Variants in HAUS6 observed in about 807,000 individuals in gnomAD.
The protein encoded by HAUS6 is HAUS augmin-like complex subunit 6.
HAUS6 carries 80 observed loss-of-function variants against 106.8 expected under a neutral mutation model. The ratio of observed to expected loss-of-function variants is 0.75; its 90% CI spans 0.63 to 0.90. The LOEUF (loss-of-function observed/expected upper bound fraction) is 0.90. HAUS6 is among the 40% of genes least tolerant of loss of function. The pLI, the probability that HAUS6 is intolerant of heterozygous loss-of-function variation, is 0.00. For missense variants in HAUS6, 1,155 were observed against 1,118.1 expected, an observed-to-expected ratio of 1.03 and a Z score of -0.47; for synonymous variants, 356 against 379.1, an observed-to-expected ratio of 0.94 and a Z score of 0.71.
At chr9:19,090,593 G>A (rs1456435660) in intron 4 of HAUS6, among the ~76,000 whole-genome samples, 1 of 152,082 alleles carries the variant, frequency 6.6e-6, no homozygotes, top group Non-Finnish European at 1.5e-5. Context: ...TTGATCTCCT[G>A]GCCTCATGAT....
At chr9:19,073,512 C>A (rs1378297449) in intron 11 of HAUS6, among the ~76,000 whole-genome samples, 1 of 151,308 alleles carries the variant, frequency 6.6e-6, no homozygotes, top group Admixed American at 6.6e-5. Flanking sequence ...AGTAGAGAAA[C>A]CTCCAAATGG....
chr9:19,072,580 AAAC>A (rs1206414799), intron 11 of HAUS6, among the ~76,000 whole-genome samples: 14 of 152,204 alleles, frequency 9.2e-5, no homozygotes, highest in African/African-American at 2.2e-4. Flanking sequence ...AAACAACAGA[AAAC>A]AACGAGATTA....
intron 1 of HAUS6, among the ~76,000 whole-genome samples, chr9:19,099,145 G>C (rs1050048087): frequency 4.3e-4 from 65 of 150,896 alleles, no homozygotes; most frequent in African/African-American, 1.5e-3. Context: ...AAAAAATAAT[G>C]GGGTTTTTTT....
rs765124776 is a variant in HAUS6, at chr9:19,070,218, C to T, written c.1376+1G>A. ...ACAAAAGAAAATCAAATTTGTTTTA[C>T]CTGTTGGCTAGATCATGTAGCGCTC... On this transcript the variant is annotated splice_donor_variant, in intron 12 of 16. Coordinates refer to ENST00000380502, the MANE Select transcript of HAUS6 (RefSeq NM_017645.5). LOFTEE classifies it high-confidence loss of function. The T allele has an allele frequency of 5.3e-6, 8 of 1,510,084 alleles. No homozygotes were observed. Among genetic ancestry groups the T allele is most frequent in the Non-Finnish European group, 7.3e-6 (8 of 1,089,760 alleles). 93.5% of individuals were successfully genotyped at this position (1,510,084 alleles called of 1,614,324 possible).
At chr9:19,062,360 AATATAGT>A in intron 14 of HAUS6, among the ~76,000 whole-genome samples, 1 of 152,370 alleles carries the variant, frequency 6.6e-6, no homozygotes, top group Non-Finnish European at 1.5e-5. Flanking sequence ...AAAGTATTTT[AATATAGT>A]ATAAACACTG....
At position 19,091,165 on chromosome 9, in the gene HAUS6, T is replaced by C. The variant is rs753538444; in HGVS notation, c.437-1606A>G. On this transcript the variant is annotated intron_variant, in intron 4 of 16. Coordinates refer to ENST00000380502, the MANE Select transcript of HAUS6 (RefSeq NM_017645.5). ...AATACAAAAAAATTAGCAGGCATGG[T>C]GGCGCATGCCTGTAGTCCCAGCTAC... 1.1e-3 allele frequency among the ~76,000 whole-genome samples: 171 copies of C among 151,992 alleles called. 4 individuals are homozygous for C. Among genetic ancestry groups the C allele is most frequent in the Admixed American group, 5.9e-4 (9 of 15,264 alleles).
intron 14 of HAUS6, 119 bp from the exon 15 acceptor site, chr9:19,060,342 CACA>C: frequency 1.4e-6 from 1 of 719,410 alleles, no homozygotes; most frequent in South Asian, 2.4e-5. Flanking sequence ...TTGCAGACAA[CACA>C]AAAATAAGCA....
At position 19,055,118 on chromosome 9, in the gene HAUS6, C is replaced by A. The variant is rs949864044; in HGVS notation, c.*1225G>T. The A allele has an allele frequency of 2.6e-5, 4 of 152,244 alleles. No individual in the cohort carries two copies. The highest frequency in any genetic ancestry group is 9.6e-5 in the African/African-American group (4 of 41,456). The allele number at this position is 152,244 out of a possible 1,614,324, so 9.4% of individuals were successfully genotyped here. On this transcript the variant is annotated 3_prime_UTR_variant, in exon 17 of 17. Transcript: ENST00000380502. Reference sequence around the variant, plus strand: ...ACAGGACAACCAACTTAGAGAAAGGCAGCCCAAGATAAAAGAAATAACTAT... The same window carrying A: ...ACAGGACAACCAACTTAGAGAAAGGAAGCCCAAGATAAAAGAAATAACTAT...
At chr9:19,069,972 A>G (rs72696458) in intron 12 of HAUS6, among the ~76,000 whole-genome samples, 5,277 of 151,976 alleles carry the variant, frequency 0.035, 114 homozygotes, top group Non-Finnish European at 0.051. Flanking sequence ...CTATGCCTGT[A>G]CTGGTCTAGA....
intron 13 of HAUS6, 88 bp from the exon 14 acceptor site, chr9:19,063,281 G>T: frequency 1.2e-6 from 1 of 868,584 alleles, no homozygotes; most frequent in Non-Finnish European, 1.8e-6. Flanking sequence ...TGGTTATCAT[G>T]AACCTATAAA....
intron 15 of HAUS6, 67 bp downstream of exon 15, chr9:19,060,021 A>G (rs1489822654): frequency 8.0e-6 from 10 of 1,255,862 alleles, no homozygotes; most frequent in Non-Finnish European, 9.0e-6. Flanking sequence ...AAGATCTGTC[A>G]GGCCATGGTT....
chr9:19,099,938 A>C (rs1817951688), intron 1 of HAUS6, among the ~76,000 whole-genome samples: 1 of 152,202 alleles, frequency 6.6e-6, no homozygotes, highest in Admixed American at 6.5e-5. Flanking sequence ...TCAGGCCTAT[A>C]ATCCCAGCAC....
intron 8 of HAUS6, 142 bp from the exon 9 acceptor site, chr9:19,080,814 TC>T: frequency 1.7e-6 from 1 of 586,206 alleles, no homozygotes; most frequent in Non-Finnish European, 3.0e-6. Context: ...ACACCTGTAA[TC>T]CCAGCACTCT....
chr9:19,072,770 CAAAAG>C (rs968262501), intron 11 of HAUS6, among the ~76,000 whole-genome samples: 6 of 151,722 alleles, frequency 4.0e-5, no homozygotes, highest in African/African-American at 1.5e-4. Context: ...AGGAGAAGAA[CAAAAG>C]AATAGACCAA....
At chr9:19,102,388 C>A (rs1308218296) in intron 1 of HAUS6, 136 bp downstream of exon 1, 1 of 974,062 alleles carries the variant, frequency 1.0e-6, no homozygotes, top group African/African-American at 1.6e-5. Flanking sequence ...GGAGTAGGAA[C>A]TTTGGAGCCA....
chr9:19,075,896 T>C (rs1302191626), intron 11 of HAUS6, among the ~76,000 whole-genome samples: 4 of 151,390 alleles, frequency 2.6e-5, no homozygotes, highest in Admixed American at 6.6e-5. Flanking sequence ...AAGGTAGAGG[T>C]TGCAGTGAGC....
At chr9:19,099,386 T>A (rs763504705) in intron 1 of HAUS6, among the ~76,000 whole-genome samples, 10 of 152,150 alleles carry the variant, frequency 6.6e-5, no homozygotes, top group Admixed American at 1.3e-4. Context: ...TAGGATGGTC[T>A]CAATTTCCTG....
At chr9:19,102,349 T>C (rs1186391575) in intron 1 of HAUS6, among the ~76,000 whole-genome samples, 175 bp downstream of exon 1, 1 of 152,244 alleles carries the variant, frequency 6.6e-6, no homozygotes, top group Non-Finnish European at 1.5e-5. Context: ...ATTTACTGTC[T>C]GTCTCTGCCC....
chr9:19,074,990 T>C (rs1438502795), intron 11 of HAUS6, among the ~76,000 whole-genome samples: 1 of 152,160 alleles, frequency 6.6e-6, no homozygotes, highest in African/African-American at 2.4e-5. Flanking sequence ...ACAACCCAAA[T>C]GTCCATCAAC....
Sources: gnomAD v4.1 joint callset for allele counts (sites outside exome capture counted in the v4.1 genomes callset) on GRCh38, gnomAD v4.1.1 for gene constraint, MANE v1.5 for transcripts, NCBI Gene and HGNC (gene_info 2026-07-23, HGNC 2026-07-21) for gene names.